AGTPBP1: variants seen among roughly 807,000 people sequenced by gnomAD.
The protein encoded by AGTPBP1 is cytosolic carboxypeptidase 1.
AGTPBP1 carries 70 observed loss-of-function variants against 143.9 expected under a neutral mutation model. That is an observed-to-expected ratio of 0.49 (90% CI 0.40 to 0.59). AGTPBP1 has a LOEUF of 0.59. AGTPBP1 is among the 20% of genes least tolerant of loss of function. The pLI is 0.00. For missense variants in AGTPBP1, 1,229 were observed against 1,464.5 expected (o/e 0.84, Z 2.62); for synonymous variants, 463 against 500.2 (o/e 0.93, Z 0.99).
chr9:85,735,286 G>A (rs141428561), intron 1 of AGTPBP1, among the ~76,000 whole-genome samples: 5 of 152,252 alleles, frequency 3.3e-5, no homozygotes, highest in East Asian at 3.9e-4. Flanking sequence ...AAAGATAAAC[G>A]CTGTATGATT....
chr9:85,704,110 T>C (rs1836837408), intron 2 of AGTPBP1, among the ~76,000 whole-genome samples: 1 of 152,144 alleles, frequency 6.6e-6, no homozygotes, highest in African/African-American at 2.4e-5. Context: ...AGGAAATAAA[T>C]GAGGTAAACC....
At chr9:85,657,388 T>G in intron 10 of AGTPBP1, 47 bp downstream of exon 10, 1 of 1,478,820 alleles carries the variant, frequency 6.8e-7, no homozygotes, top group Non-Finnish European at 9.2e-7. Flanking sequence ...AACAACCAAA[T>G]CATATTATTA....
chr9:85,753,936 C>A, the AGTPBP1 span, among the ~76,000 whole-genome samples: 3 of 152,076 alleles, frequency 2.0e-5, no homozygotes, highest in East Asian at 3.9e-4. Context: ...GATACACATG[C>A]AGGTTTGTTA....
intron 6 of AGTPBP1, among the ~76,000 whole-genome samples, chr9:85,675,240 A>AT (rs1263725174): frequency 6.6e-6 from 1 of 152,168 alleles, no homozygotes; most frequent in African/African-American, 2.4e-5. Flanking sequence ...TTAAGGAATT[A>AT]TTTTAATCTT....
chr9:85,592,774 T>TAA (rs1829054041), intron 18 of AGTPBP1, 70 bp from the exon 19 acceptor site: 1 of 1,545,430 alleles, frequency 6.5e-7, no homozygotes, highest in Admixed American at 2.2e-5. Context: ...TTACTTTTAT[T>TAA]AAATAGAACT....
chr9:85,735,929 GA>G (rs1823737295), intron 1 of AGTPBP1, among the ~76,000 whole-genome samples: 1 of 151,934 alleles, frequency 6.6e-6, no homozygotes, highest in Non-Finnish European at 1.5e-5. Flanking sequence ...TCCCCTTAAG[GA>G]AAAATGTGAG....
intron 2 of AGTPBP1, among the ~76,000 whole-genome samples, chr9:85,705,079 T>C (rs1183232503): frequency 6.6e-6 from 1 of 151,902 alleles, no homozygotes; most frequent in African/African-American, 2.4e-5. Context: ...GAAAGACATA[T>C]ACATTTCATT....
chr9:85,571,248 G>T (rs1366183530), intron 25 of AGTPBP1, among the ~76,000 whole-genome samples: 2 of 152,090 alleles, frequency 1.3e-5, no homozygotes, highest in Non-Finnish European at 2.9e-5. Context: ...TCCACCAAAA[G>T]GAATCAGGAA....
chr9:85,688,096 TAAAAAAAAAAA>T lies in AGTPBP1; in HGVS notation c.157+4582_157+4592del, dbSNP rs58523894. Among the ~76,000 whole-genome samples the T allele has an allele frequency of 3.7e-4, 13 of 34,710 alleles. No homozygotes were observed. In the Admixed American group the frequency reaches 4.2e-3, roughly 11 times the overall value. 22.8% of individuals were successfully genotyped at this position (34,710 alleles called of 152,430 possible). ...CAAGAATGAAACTCTGTCTCAAAAT[TAAAAAAAAAAA>T]AAAAAAAAAAAAAGGCAAAAAAAAG... On this transcript the variant is annotated intron_variant, in intron 3 of 25. Coordinates refer to ENST00000357081, the MANE Select transcript of AGTPBP1 (RefSeq NM_001330701.2).
intron 25 of AGTPBP1, among the ~76,000 whole-genome samples, chr9:85,570,994 C>G (rs759127570): frequency 2.6e-5 from 4 of 152,194 alleles, no homozygotes; most frequent in Non-Finnish European, 5.9e-5. Flanking sequence ...AATTTAAAAA[C>G]TAGACTTAAC....
rs769597940 is a variant in AGTPBP1, at chr9:85,632,944, C to T, written c.1733G>A (p.Gly578Glu). ...AKACPHMATC[G>E]NVLFEGRTVQ... is the part of the protein sequence containing the mutation. ...TGTTCTTCCCTCAAACAGAACATTT[C>T]CACAAGTAGCCATGTGTGGACATGC... is the stretch of plus-strand genomic sequence containing the variant. The change falls in exon 14 of 26, where the codon GGA becomes GAA. Residue 578 changes from glycine to glutamate, a missense_variant. Physicochemically the swap from Gly to Glu is moderately conservative, Grantham distance 98. This residue lies in a region of AGTPBP1 where 743 missense variants were observed against 812.2 expected (regional missense o/e 0.91). Transcript: ENST00000357081. 1 of 1,614,082 alleles carries T rather than the reference C, an allele frequency of 6.2e-7. No homozygotes were observed. The highest frequency in any genetic ancestry group is 8.5e-7 in the Non-Finnish European group (1 of 1,180,024).
chr9:85,690,715 A>T (rs1835810187), intron 3 of AGTPBP1, among the ~76,000 whole-genome samples: 1 of 144,364 alleles, frequency 6.9e-6, no homozygotes, highest in Non-Finnish European at 1.5e-5. Flanking sequence ...TGGTGGGAAG[A>T]GGATCATTCT....
At chr9:85,748,745 T>C in the AGTPBP1 span, among the ~76,000 whole-genome samples, 1 of 152,226 alleles carries the variant, frequency 6.6e-6, no homozygotes, top group African/African-American at 2.4e-5. Flanking sequence ...AATTTTCATT[T>C]CTTCTGCCAA....
At chr9:85,732,870 T>C (rs1838981907) in intron 1 of AGTPBP1, among the ~76,000 whole-genome samples, 2 of 151,850 alleles carry the variant, frequency 1.3e-5, no homozygotes, top group Non-Finnish European at 2.9e-5. Context: ...ATCAAATAAG[T>C]TTACAAGAGA....
Position 85,621,252 on chromosome 9 carries a change from T to C in AGTPBP1, c.2049A>G (p.Ile683Met). ...CACGATCTATGATATCACTCTGATG[T>C]ATTAGCCTTTCAATATCTTGAGCAA... ...TKIAQDIERL[I>M]HQSDIIDRVV... Residue 683 changes from isoleucine to methionine, a missense_variant, in exon 15 of 26, where the codon ATA (isoleucine) becomes ATG (methionine). Coordinates refer to ENST00000357081, the MANE Select transcript of AGTPBP1 (RefSeq NM_001330701.2). 2 of 1,453,478 alleles carry C rather than the reference T, an allele frequency of 1.4e-6. No homozygotes were observed. Among genetic ancestry groups the C allele is most frequent in the Non-Finnish European group, 1.8e-6 (2 of 1,106,580 alleles). The allele number at this position is 1,453,478 out of a possible 1,614,324, so 90.0% of individuals were successfully genotyped here.
Position 85,546,986 on chromosome 9 carries a change from C to G in AGTPBP1, c.*123G>C, listed in dbSNP as rs1353216662. 2.2e-5 allele frequency: 21 copies of G among 972,198 alleles called. No individual in the cohort carries two copies. The highest frequency in any genetic ancestry group is 5.1e-5 in the African/African-American group (3 of 58,806). 60.2% of individuals were successfully genotyped at this position (972,198 alleles called of 1,614,324 possible). A position where few individuals can be genotyped will look rare whatever the true frequency, so the allele number is the denominator to read the frequency against. Reference sequence around the variant, plus strand: ...ATTTATTATCTTGAAACCAAACTGGCCCAAGTTACTTTTTGTCTTTTTGAG... The same window carrying G: ...ATTTATTATCTTGAAACCAAACTGGGCCAAGTTACTTTTTGTCTTTTTGAG... On this transcript the variant is annotated 3_prime_UTR_variant, in exon 26 of 26. Coordinates refer to ENST00000357081, the MANE Select transcript of AGTPBP1 (RefSeq NM_001330701.2).
intron 2 of AGTPBP1, among the ~76,000 whole-genome samples, chr9:85,708,403 G>A (rs1439475203): frequency 6.6e-6 from 1 of 152,150 alleles, no homozygotes; most frequent in African/African-American, 2.4e-5. Flanking sequence ...CAGGGATTAA[G>A]GCATGGACAT....
chr9:85,574,979 G>A (rs1419017604), intron 25 of AGTPBP1, among the ~76,000 whole-genome samples: 3 of 152,162 alleles, frequency 2.0e-5, no homozygotes. Flanking sequence ...AAAGTGCTGG[G>A]ATTACAGGCA....
chr9:85,726,260 G>C (rs916454325), intron 1 of AGTPBP1, among the ~76,000 whole-genome samples: 9 of 149,062 alleles, frequency 6.0e-5, no homozygotes, highest in African/African-American at 2.2e-4. Context: ...CAAAAAAAAA[G>C]AAAAATGTTT....
Sources: allele counts gnomAD v4.1 joint callset (sites outside exome capture counted in the v4.1 genomes callset), GRCh38; gene constraint gnomAD v4.1.1; regional missense constraint gnomAD v4.1.1; transcripts MANE v1.5; gene names NCBI Gene and HGNC (gene_info 2026-07-23, HGNC 2026-07-21).